The following DIXDC1 variants were observed in gnomAD, a reference collection of about 807,000 sequenced individuals.
The protein encoded by DIXDC1 is dixin.
DIXDC1 carries 64 observed loss-of-function variants against 103.1 expected under a neutral mutation model. That is an observed-to-expected ratio of 0.62 (90% CI 0.51 to 0.76). The LOEUF (loss-of-function observed/expected upper bound fraction) is 0.76. Ranked by LOEUF, DIXDC1 falls within the 30% of genes least tolerant of loss-of-function variation. DIXDC1 has a pLI of 0.00. For missense variants in DIXDC1, 759 were observed against 834.2 expected (o/e 0.91, Z 1.11); for synonymous variants, 266 against 298.5 (o/e 0.89, Z 1.12).
rs370324578 is a variant in DIXDC1, at chr11:111,958,659, C to T, written c.61-5890C>T. On this transcript the variant is annotated intron_variant, in intron 1 of 19. Transcript: ENST00000440460. This position sits in a 1 kb window ranked among gnomAD's most constrained non-coding sequence, Gnocchi z 4.2. ...TCCTGTGTGGAAAGGGGCGGGTTCC[C>T]GGTGAAGCCCCACCTTCAAACCAGG... Among the ~76,000 whole-genome samples, 105 of 152,302 alleles carry T rather than the reference C, an allele frequency of 6.9e-4. 1 individual carries two copies. The highest frequency in any genetic ancestry group is 2.2e-3 in the African/African-American group (92 of 41,572).
rs781846871 is a variant in DIXDC1, at chr11:112,017,807, A to G, written c.1893A>G (p.Lys631=). 6.2e-7 allele frequency: 1 copy of G among 1,611,456 alleles called. No homozygotes were observed. Among genetic ancestry groups the G allele is most frequent in the South Asian group, 1.1e-5 (1 of 90,346 alleles). Residue 631 remains lysine, a synonymous_variant, in exon 19 of 20, where the codon AAA becomes AAG. Transcript: ENST00000440460. The surrounding 1 kb of genome is among the most constrained non-coding windows in gnomAD (Gnocchi z 4.0). ...RLEEVTLKDF[K]AAIDREGNHR... is the part of the protein sequence containing the mutation. ...AGGAGGTGACGTTAAAGGATTTTAA[A>G]GCAGCTATTGATCGGGAAGGAAATC...
chr11:111,962,040 T>C lies in DIXDC1; in HGVS notation c.61-2509T>C, dbSNP rs587741659. 3.9e-5 allele frequency among the ~76,000 whole-genome samples: 6 copies of C among 152,324 alleles called. No homozygotes were observed. In the South Asian group the frequency reaches 1.2e-3, roughly 32 times the overall value. ...CTACCAGCCTGCAAGCTGGGGCTTGTTGTAGCCTCATAACTGGGTACAGTG... is the reference window on the plus strand; with the variant it reads ...CTACCAGCCTGCAAGCTGGGGCTTGCTGTAGCCTCATAACTGGGTACAGTG... On this transcript the variant is annotated intron_variant, in intron 1 of 19. Transcript: ENST00000440460.
chr11:111,973,951 G>T, intron 3 of DIXDC1, 72 bp from the exon 4 acceptor site: 2 of 1,426,964 alleles, frequency 1.4e-6, no homozygotes, highest in Admixed American at 3.9e-5. Flanking sequence ...AATAAATGCA[G>T]AAGTCCTCAG....
At chr11:111,956,734 C>T (rs1299195592) in intron 1 of DIXDC1, among the ~76,000 whole-genome samples, 8 of 152,182 alleles carry the variant, frequency 5.3e-5, no homozygotes, top group African/African-American at 1.9e-4. Flanking sequence ...AAGTGATCCT[C>T]CTGCCTTGGC....
At chr11:112,011,109 A>C (rs1861405382) in intron 17 of DIXDC1, among the ~76,000 whole-genome samples, 1 of 152,226 alleles carries the variant, frequency 6.6e-6, no homozygotes, top group Non-Finnish European at 1.5e-5. Context: ...TTTACAAGAA[A>C]AAAATCAAAC....
intron 7 of DIXDC1, among the ~76,000 whole-genome samples, chr11:111,984,650 A>C (rs1555173619): frequency 6.6e-6 from 1 of 152,212 alleles, no homozygotes; most frequent in Non-Finnish European, 1.5e-5. Flanking sequence ...CTGCCTCCCT[A>C]TTCCACCTAC....
At chr11:111,949,827 C>T (rs1231998345) in intron 1 of DIXDC1, among the ~76,000 whole-genome samples, 10 of 152,214 alleles carry the variant, frequency 6.6e-5, no homozygotes, top group African/African-American at 1.9e-4. Context: ...GGCAGACATC[C>T]GTAAAGAACC....
rs1231817735 is a variant in DIXDC1, at chr11:111,991,116, A to G, written c.1114-1299A>G. 2.0e-5 allele frequency among the ~76,000 whole-genome samples: 3 copies of G among 152,206 alleles called. No homozygotes were observed. In the South Asian group the frequency reaches 6.2e-4, roughly 31 times the overall value. ...TCCCCTCTTCCTTGCACATCCGTTC[A>G]TGGGCTAGACTATTCACTCAGCAAC... On this transcript the variant is annotated intron_variant, in intron 10 of 19. Transcript: ENST00000440460.
Position 111,998,480 on chromosome 11 carries a change from C to T in DIXDC1, c.1756+2334C>T, listed in dbSNP as rs782310054. ...CCTGGCTTTAACTACACTTGTGTGC[C>T]GATAATTTTTATGTTTTATCTCAAA... On this transcript the variant is annotated intron_variant, in intron 17 of 19. Coordinates refer to ENST00000440460, the MANE Select transcript of DIXDC1 (RefSeq NM_001037954.4). The surrounding 1 kb of genome is among the most constrained non-coding windows in gnomAD (Gnocchi z 4.1). Among the ~76,000 whole-genome samples the T allele has an allele frequency of 5.9e-5, 9 of 152,100 alleles. No individual in the cohort carries two copies. Among genetic ancestry groups the T allele is most frequent in the Admixed American group, 2.0e-4 (3 of 15,266 alleles).
upstream of DIXDC1, among the ~76,000 whole-genome samples, chr11:111,934,997 A>G (rs1397009717): frequency 1.3e-5 from 2 of 152,254 alleles, no homozygotes; most frequent in Non-Finnish European, 2.9e-5. Context: ...TGTACAGCAT[A>G]GATATAGAAC....
At chr11:111,956,869 A>C in intron 1 of DIXDC1, among the ~76,000 whole-genome samples, 1 of 151,922 alleles carries the variant, frequency 6.6e-6, no homozygotes, top group Admixed American at 6.6e-5. Context: ...GATATAAATA[A>C]ATAAATGGGG....
chr11:111,943,230 A>G (rs1555169036), intron 1 of DIXDC1, among the ~76,000 whole-genome samples: 1 of 151,896 alleles, frequency 6.6e-6, no homozygotes, highest in Admixed American at 6.6e-5. Context: ...TCCACCTCGC[A>G]CCTCTTGGGC....
intron 17 of DIXDC1, among the ~76,000 whole-genome samples, chr11:112,008,387 C>A (rs1054874610): frequency 1.3e-5 from 2 of 152,060 alleles, no homozygotes; most frequent in Non-Finnish European, 2.9e-5. Context: ...ACCCCACTGT[C>A]AATATTAGAT....
chr11:111,964,612 C>A lies in DIXDC1; in HGVS notation c.124C>A (p.Pro42Thr). 2 of 1,612,244 alleles carry A rather than the reference C, an allele frequency of 1.2e-6. No individual in the cohort carries two copies. The highest frequency in any genetic ancestry group is 1.7e-6 in the Non-Finnish European group (2 of 1,179,230). The change falls in exon 2 of 20, where the codon CCT becomes ACT. Residue 42 changes from proline (P) to threonine (T), a missense_variant. Pro to Thr is a conservative substitution (Grantham distance 38). Transcript: ENST00000440460. ...AQLKKRPAVK[P>T]VQDLRQDLRD... ...GCTGAAGAAGAGGCCAGCAGTGAAG[C>A]CTGTGCAGGACCTGCGACAAGATCT... is the stretch of plus-strand genomic sequence containing the variant.
intron 7 of DIXDC1, among the ~76,000 whole-genome samples, chr11:111,984,790 G>C (rs6589257): frequency 0.083 from 12,604 of 152,096 alleles, 1,555 homozygotes; most frequent in African/African-American, 0.27. Flanking sequence ...GTAAAACAAA[G>C]AAAAATCAAA....
intron 1 of DIXDC1, among the ~76,000 whole-genome samples, chr11:111,940,903 A>G (rs1966396093): frequency 6.6e-6 from 1 of 152,208 alleles, no homozygotes; most frequent in African/African-American, 2.4e-5. Context: ...CTCTGGAAAT[A>G]CATAGAAGTC....
intron 3 of DIXDC1, among the ~76,000 whole-genome samples, chr11:111,972,865 C>T (rs1345760150): frequency 1.3e-5 from 2 of 151,822 alleles, no homozygotes; most frequent in South Asian, 2.1e-4. Flanking sequence ...TCAAGACCAG[C>T]GTGGCCAACA....
At chr11:112,013,323 G>GA (rs1247619050) in intron 17 of DIXDC1, among the ~76,000 whole-genome samples, 1 of 133,644 alleles carries the variant, frequency 7.5e-6, no homozygotes, top group African/African-American at 2.9e-5. Flanking sequence ...TCGGGGGGTG[G>GA]GGGTGGGGTG....
At chr11:112,014,003 G>A (rs1427843913) in intron 17 of DIXDC1, among the ~76,000 whole-genome samples, 1 of 152,132 alleles carries the variant, frequency 6.6e-6, no homozygotes, top group African/African-American at 2.4e-5. Context: ...TTAACAAGCA[G>A]TTTTGTGGGA....
Sources: allele counts gnomAD v4.1 joint callset (sites outside exome capture counted in the v4.1 genomes callset), GRCh38; gene constraint gnomAD v4.1.1; non-coding constraint Gnocchi (gnomAD v3.1); transcripts MANE v1.5; gene names NCBI Gene and HGNC (gene_info 2026-07-23, HGNC 2026-07-21).